The following IPO11 variants were observed in gnomAD, a reference collection of about 807,000 sequenced individuals.
The protein encoded by IPO11 is importin 11.
IPO11 carries 66 observed loss-of-function variants against 143.2 expected under a neutral mutation model. That is an observed-to-expected ratio of 0.46 (90% CI 0.38 to 0.57). The LOEUF (loss-of-function observed/expected upper bound fraction) is 0.57, where lower values mean the gene tolerates loss of function less well. Among genes scored for constraint, IPO11 ranks in the 20% least tolerant of loss-of-function variants. The pLI is 0.00. For missense variants in IPO11, 1,026 were observed against 1,141.0 expected, an observed-to-expected ratio of 0.90 and a Z score of 1.45; for synonymous variants, 385 against 377.8, an observed-to-expected ratio of 1.02 and a Z score of -0.22.
At chr5:62,474,560 G>A in intron 8 of IPO11, 96 bp downstream of exon 8, 2 of 858,296 alleles carry the variant, frequency 2.3e-6, no homozygotes, top group Non-Finnish European at 3.7e-6. Context: ...GGGATTAATA[G>A]ATGCTTATTC....
At chr5:62,477,335 A>T (rs1177548514) in intron 9 of IPO11, among the ~76,000 whole-genome samples, 5 of 152,198 alleles carry the variant, frequency 3.3e-5, no homozygotes, top group African/African-American at 1.2e-4. Flanking sequence ...TAAAATAGGT[A>T]CTTGAAGACA....
intron 20 of IPO11, among the ~76,000 whole-genome samples, chr5:62,521,976 T>A (rs1395862480): frequency 6.6e-6 from 1 of 152,206 alleles, no homozygotes. Context: ...CAAGCTTTCA[T>A]CTCTGCCTGG....
At chr5:62,604,497 C>T (rs1745629261) in intron 29 of IPO11, among the ~76,000 whole-genome samples, 1 of 152,178 alleles carries the variant, frequency 6.6e-6, no homozygotes, top group Non-Finnish European at 1.5e-5. Context: ...AGGTGTGAGC[C>T]ACCATGCCTG....
intron 1 of IPO11, chr5:62,418,771 A>T (rs1467403076): frequency 2.0e-5 from 7 of 354,238 alleles, no homozygotes; most frequent in South Asian, 1.4e-4. Context: ...ATTTCACTAA[A>T]GATGTTCACG....
intron 20 of IPO11, among the ~76,000 whole-genome samples, chr5:62,521,736 T>C (rs1161309417): frequency 6.6e-6 from 1 of 152,032 alleles, no homozygotes; most frequent in African/African-American, 2.4e-5. Flanking sequence ...CTTCCTGCTT[T>C]TTTTTTTCCT....
intron 24 of IPO11, among the ~76,000 whole-genome samples, chr5:62,546,613 A>G (rs1387278190): frequency 1.3e-5 from 2 of 152,100 alleles, no homozygotes; most frequent in Non-Finnish European, 2.9e-5. Context: ...AAAACCACAC[A>G]CACACAATCT....
At chr5:62,592,469 G>A (rs929346751) in intron 28 of IPO11, among the ~76,000 whole-genome samples, 5 of 152,140 alleles carry the variant, frequency 3.3e-5, no homozygotes, top group African/African-American at 4.8e-5. Flanking sequence ...TTTGTATGAA[G>A]TGGAAACATC....
chr5:62,573,130 T>A (rs1376471389), intron 27 of IPO11, among the ~76,000 whole-genome samples: 2 of 152,036 alleles, frequency 1.3e-5, no homozygotes, highest in African/African-American at 4.8e-5. Flanking sequence ...CACTGCAAGC[T>A]CTGCCTCCCG....
At chr5:62,438,913 G>T in intron 2 of IPO11, among the ~76,000 whole-genome samples, 1 of 151,890 alleles carries the variant, frequency 6.6e-6, no homozygotes, top group East Asian at 1.9e-4. Context: ...CAAAAAATTA[G>T]CCAGGCATGG....
chr5:62,618,501 G>A (rs116160501), intron 29 of IPO11, among the ~76,000 whole-genome samples: 1,895 of 152,170 alleles, frequency 0.012, 31 homozygotes, highest in African/African-American at 0.043. Context: ...TGATGAATAA[G>A]TATTGTTTGC....
At chr5:62,513,856 G>A (rs1010084256) in intron 19 of IPO11, among the ~76,000 whole-genome samples, 1 of 147,654 alleles carries the variant, frequency 6.8e-6, no homozygotes, top group Non-Finnish European at 1.5e-5. Context: ...CCAGGAGGAG[G>A]GTCTCCTCAC....
chr5:62,489,951 G>A (rs1034063476), intron 14 of IPO11, among the ~76,000 whole-genome samples, 164 bp from the exon 15 acceptor site: 2 of 152,102 alleles, frequency 1.3e-5, no homozygotes, highest in Non-Finnish European at 2.9e-5. Context: ...AAGTAAAATA[G>A]TGTTTCTAAA....
chr5:62,611,313 A>G lies in IPO11; in HGVS notation c.2763+9465A>G, dbSNP rs114243928. Reference sequence around the variant, plus strand: ...ATTGAAATAATCCAACTGAGATGCAATAAAGATACAAATTGATAACCAGGC... The same window carrying G: ...ATTGAAATAATCCAACTGAGATGCAGTAAAGATACAAATTGATAACCAGGC... On this transcript the variant is annotated intron_variant, in intron 29 of 29. Transcript: ENST00000325324. Among the ~76,000 whole-genome samples the G allele has an allele frequency of 7.2e-3, 1,100 of 152,304 alleles. 15 individuals carry two copies. Among genetic ancestry groups the G allele is most frequent in the African/African-American group, 0.025 (1,029 of 41,572 alleles).
At position 62,527,161 on chromosome 5, in the gene IPO11, G is replaced by A. The variant is rs540236056; in HGVS notation, c.2012+904G>A. Among the ~76,000 whole-genome samples, 34 of 152,278 alleles carry A rather than the reference G, an allele frequency of 2.2e-4. No homozygotes were observed. In the South Asian group the frequency reaches 6.0e-3, roughly 27 times the overall value. On this transcript the variant is annotated intron_variant, in intron 21 of 29. Coordinates refer to ENST00000325324, the MANE Select transcript of IPO11 (RefSeq NM_016338.5). ...TGCGTTCTTCAGAAAGGTGTTGTTC[G>A]AACTTAAATGGCATGTATGTGGTTT...
At chr5:62,434,105 G>A (rs1204992400) in intron 1 of IPO11, among the ~76,000 whole-genome samples, 1 of 152,012 alleles carries the variant, frequency 6.6e-6, no homozygotes, top group Non-Finnish European at 1.5e-5. Context: ...TTCTCACTAA[G>A]TGTCAGTCAT....
At chr5:62,546,550 A>C (rs1412190663) in intron 24 of IPO11, among the ~76,000 whole-genome samples, 1 of 152,210 alleles carries the variant, frequency 6.6e-6, no homozygotes, top group Non-Finnish European at 1.5e-5. Context: ...ATACATATGT[A>C]ACAAACCTGC....
chr5:62,439,319 C>G (rs1291805192), intron 2 of IPO11, among the ~76,000 whole-genome samples: 2 of 126,848 alleles, frequency 1.6e-5, no homozygotes, highest in Non-Finnish European at 3.2e-5. Flanking sequence ...AGACGTCTCG[C>G]TCTGTCGCAC....
chr5:62,490,523 A>G (rs73105986), intron 15 of IPO11, among the ~76,000 whole-genome samples: 5,992 of 152,258 alleles, frequency 0.039, 367 homozygotes, highest in African/African-American at 0.14. Flanking sequence ...CTAGTGTCAG[A>G]AGTAGCCTAA....
intron 28 of IPO11, among the ~76,000 whole-genome samples, chr5:62,595,743 G>T (rs1255803498): frequency 6.6e-6 from 1 of 151,946 alleles, no homozygotes; most frequent in Non-Finnish European, 1.5e-5. Flanking sequence ...TTTGTTGGTG[G>T]GTTTGTGGTT....
Sources: gnomAD v4.1 joint callset for allele counts (sites outside exome capture counted in the v4.1 genomes callset) on GRCh38, gnomAD v4.1.1 for gene constraint, MANE v1.5 for transcripts, NCBI Gene and HGNC (gene_info 2026-07-23, HGNC 2026-07-21) for gene names.